Variants in TENM4 observed in about 807,000 individuals in gnomAD.
TENM4 encodes the protein teneurin-4.
TENM4 carries 82 observed loss-of-function variants against 243.3 expected under a neutral mutation model. The observed-to-expected ratio is 0.34, with a 90% CI of 0.28 to 0.40. The LOEUF (loss-of-function observed/expected upper bound fraction) is 0.40. TENM4 is among the 10% of genes least tolerant of loss of function. The pLI, the probability that TENM4 is intolerant of heterozygous loss-of-function variation, is 1.00. For missense variants in TENM4, 3,138 were observed against 3,673.3 expected (o/e 0.85, Z 3.77); for synonymous variants, 1,412 against 1,456.3 (o/e 0.97, Z 0.69).
intron 6 of TENM4, among the ~76,000 whole-genome samples, chr11:79,051,069 T>C (rs1347015133): frequency 1.3e-5 from 2 of 152,178 alleles, no homozygotes; most frequent in Admixed American, 6.5e-5. Context: ...CAAATGAGAA[T>C]GAGGCCGATA....
intron 1 of TENM4, among the ~76,000 whole-genome samples, chr11:79,395,156 T>C (rs1311494136): frequency 6.6e-6 from 1 of 152,232 alleles, no homozygotes; most frequent in African/African-American, 2.4e-5. Context: ...GAGCCAAGTG[T>C]TGCAACACAG....
chr11:78,811,984 G>C (rs769445674), intron 14 of TENM4, 138 bp downstream of exon 14: 22 of 1,013,434 alleles, frequency 2.2e-5, no homozygotes, highest in Non-Finnish European at 3.0e-5. Context: ...TGTTGCTGGT[G>C]GGTGGGCTCC....
At chr11:79,174,315 C>T (rs1276022390) in intron 3 of TENM4, among the ~76,000 whole-genome samples, 1 of 152,058 alleles carries the variant, frequency 6.6e-6, no homozygotes, top group African/African-American at 2.4e-5. Flanking sequence ...TGTACTGACT[C>T]ATACCTCCCT....
At chr11:79,345,476 A>T (rs1334300374) in intron 1 of TENM4, among the ~76,000 whole-genome samples, 4 of 152,208 alleles carry the variant, frequency 2.6e-5, no homozygotes, top group Admixed American at 2.0e-4. Context: ...GACACGTTTC[A>T]CCTATGTAAT....
At chr11:79,419,406 G>A (rs1858884451) in intron 1 of TENM4, among the ~76,000 whole-genome samples, 1 of 152,150 alleles carries the variant, frequency 6.6e-6, no homozygotes, top group South Asian at 2.1e-4. Flanking sequence ...GTTCCCAATG[G>A]CACCCTTAGC....
intron 15 of TENM4, among the ~76,000 whole-genome samples, chr11:78,796,456 C>T (rs184091645): frequency 6.6e-6 from 1 of 152,296 alleles, no homozygotes; most frequent in Admixed American, 6.5e-5. Context: ...CACTCTCTTC[C>T]TAATGACCTC....
At chr11:78,658,842 AGAGT>A (rs1565317802) in intron 33 of TENM4, 26 bp from the exon 34 acceptor site, 5 of 1,589,036 alleles carry the variant, frequency 3.1e-6, no homozygotes, top group South Asian at 2.2e-5. Flanking sequence ...AGTGAGAGAG[AGAGT>A]AAGACAAAGG....
intron 16 of TENM4, among the ~76,000 whole-genome samples, chr11:78,779,254 A>G (rs945168099): frequency 6.6e-6 from 1 of 152,250 alleles, no homozygotes; most frequent in Admixed American, 6.5e-5. Context: ...CAAAATGCTT[A>G]GCGTTCTAAG....
chr11:79,083,212 C>A (rs940117713), intron 4 of TENM4, among the ~76,000 whole-genome samples: 3 of 152,276 alleles, frequency 2.0e-5, no homozygotes, highest in African/African-American at 7.2e-5. Flanking sequence ...GCAGCTGCCT[C>A]CAAGATGGGG....
intron 12 of TENM4, among the ~76,000 whole-genome samples, chr11:78,849,645 G>A (rs1008566634): frequency 6.6e-6 from 1 of 152,220 alleles, no homozygotes; most frequent in African/African-American, 2.4e-5. Flanking sequence ...AAAAACGGGG[G>A]TTTGATGCTG....
intron 6 of TENM4, among the ~76,000 whole-genome samples, chr11:79,030,931 A>C (rs889757982): frequency 1.3e-5 from 2 of 152,152 alleles, no homozygotes; most frequent in Non-Finnish European, 2.9e-5. Context: ...AGACAGAGGC[A>C]AAAAGAGGAG....
At chr11:79,091,859 G>T (rs1034929993) in intron 4 of TENM4, among the ~76,000 whole-genome samples, 1 of 152,040 alleles carries the variant, frequency 6.6e-6, no homozygotes, top group Non-Finnish European at 1.5e-5. Context: ...ACCTTTGTAC[G>T]CATGCTGCCC....
At chr11:79,180,319 A>G (rs1322047432) in intron 3 of TENM4, among the ~76,000 whole-genome samples, 1 of 151,774 alleles carries the variant, frequency 6.6e-6, no homozygotes, top group Non-Finnish European at 1.5e-5. Flanking sequence ...TGAGGTAGAC[A>G]GTCAAAGCCT....
At chr11:79,345,764 C>G (rs1857315399) in intron 1 of TENM4, among the ~76,000 whole-genome samples, 1 of 152,148 alleles carries the variant, frequency 6.6e-6, no homozygotes, top group Non-Finnish European at 1.5e-5. Flanking sequence ...AATAAATTAT[C>G]TGTTATTATA....
chr11:78,818,925 C>T (rs1380472428), intron 12 of TENM4, among the ~76,000 whole-genome samples: 6 of 151,572 alleles, frequency 4.0e-5, no homozygotes, highest in African/African-American at 1.5e-4. Flanking sequence ...GGGCCTTTCC[C>T]CCAGCTTGTT....
chr11:78,719,776 T>C (rs1859603424), intron 25 of TENM4, among the ~76,000 whole-genome samples: 2 of 152,214 alleles, frequency 1.3e-5, no homozygotes, highest in African/African-American at 2.4e-5. Flanking sequence ...TAGACCCATT[T>C]CTGTTTACTG....
At chr11:79,439,652 C>T (rs1859354786) in intron 1 of TENM4, among the ~76,000 whole-genome samples, 1 of 118,170 alleles carries the variant, frequency 8.5e-6, no homozygotes, top group African/African-American at 3.1e-5. Flanking sequence ...TCCTCGGTTG[C>T]GTGTGTGTGT....
Position 79,139,037 on chromosome 11 carries a change from CT to C in TENM4, c.-66+9672del, listed in dbSNP as rs1565220079. Among the ~76,000 whole-genome samples, 7 of 29,964 alleles carry C rather than the reference CT, an allele frequency of 2.3e-4. 1 individual carries two copies. The highest frequency in any genetic ancestry group is 3.3e-4 in the Non-Finnish European group (5 of 15,044). The allele number at this position is 29,964 out of a possible 152,430, so 19.7% of individuals were successfully genotyped here. ...ATTTCTATAAATATATATTATATTTCTATAAATATATAAAATATATATTATA... is the reference window on the plus strand; with the variant it reads ...ATTTCTATAAATATATATTATATTTCATAAATATATAAAATATATATTATA... On this transcript the variant is annotated intron_variant, in intron 4 of 33. Transcript: ENST00000278550.
chr11:78,858,289 G>A (rs1310009033), intron 10 of TENM4, among the ~76,000 whole-genome samples: 1 of 152,114 alleles, frequency 6.6e-6, no homozygotes, highest in Non-Finnish European at 1.5e-5. Flanking sequence ...GGTGACAAAA[G>A]GGGACTTTTC....
Sources: gnomAD v4.1 joint callset for allele counts (sites outside exome capture counted in the v4.1 genomes callset) on GRCh38, gnomAD v4.1.1 for gene constraint, MANE v1.5 for transcripts, NCBI Gene and HGNC (gene_info 2026-07-23, HGNC 2026-07-21) for gene names.